TMEM132D: variants seen among roughly 807,000 people sequenced by gnomAD.
TMEM132D encodes the protein mature OL transmembrane protein.
In TMEM132D, 21 loss-of-function variants were observed where a neutral mutation model predicts 62.3. The ratio of observed to expected loss-of-function variants is 0.34; its 90% CI spans 0.24 to 0.49. The LOEUF (loss-of-function observed/expected upper bound fraction) is 0.49, where lower values mean the gene tolerates loss of function less well. Among genes scored for constraint, TMEM132D ranks in the 20% least tolerant of loss-of-function variants. TMEM132D has a pLI of 0.99. For synonymous variants in TMEM132D, 621 were observed against 575.6 expected (o/e 1.08, Z -1.13); for missense variants, 1,346 against 1,402.8 (o/e 0.96, Z 0.65).
At position 129,598,846 on chromosome 12, in the gene TMEM132D, T is replaced by C. The variant is rs183443942; in HGVS notation, c.969-67641A>G. On this transcript the variant is annotated intron_variant, in intron 2 of 8. Coordinates refer to ENST00000422113, the MANE Select transcript of TMEM132D (RefSeq NM_133448.3). ...ATTTCCACCTGTCCCTCACTGGGAG[T>C]ACATGTGGATGAGTGGGTTGATTCT... Among the ~76,000 whole-genome samples, 654 of 152,210 alleles carry C rather than the reference T, an allele frequency of 4.3e-3. 3 individuals carry two copies. Among genetic ancestry groups the C allele is most frequent in the African/African-American group, 0.015 (619 of 41,528 alleles).
chr12:129,405,232 T>C (rs1871745512), intron 3 of TMEM132D, among the ~76,000 whole-genome samples: 1 of 151,926 alleles, frequency 6.6e-6, no homozygotes, highest in Admixed American at 6.5e-5. Flanking sequence ...CTTACTGGCC[T>C]GCGGACAGGT....
intron 3 of TMEM132D, among the ~76,000 whole-genome samples, chr12:129,358,828 T>C (rs920718472): frequency 2.6e-5 from 4 of 152,014 alleles, no homozygotes; most frequent in Non-Finnish European, 5.9e-5. Flanking sequence ...GCACAAATGC[T>C]CTGCTGCTGG....
intron 2 of TMEM132D, among the ~76,000 whole-genome samples, chr12:129,642,920 CTTTT>C (rs71082742): frequency 9.5e-5 from 10 of 105,554 alleles, no homozygotes; most frequent in African/African-American, 3.4e-4. Flanking sequence ...ATTTACAAAT[CTTTT>C]TTTTTTTTTT....
intron 5 of TMEM132D, among the ~76,000 whole-genome samples, chr12:129,205,735 A>G (rs1290561052): frequency 6.6e-6 from 1 of 152,172 alleles, no homozygotes; most frequent in African/African-American, 2.4e-5. Context: ...ACCACGTGGA[A>G]CATACTCCAA....
intron 7 of TMEM132D, among the ~76,000 whole-genome samples, chr12:129,079,226 G>T (rs574526093): frequency 6.6e-6 from 1 of 152,150 alleles, no homozygotes; most frequent in Admixed American, 6.5e-5. Context: ...ACTAGAAGGC[G>T]GATCCTGCTG....
At chr12:129,786,228 G>A (rs1245923945) in intron 1 of TMEM132D, among the ~76,000 whole-genome samples, 1 of 152,112 alleles carries the variant, frequency 6.6e-6, no homozygotes, top group Non-Finnish European at 1.5e-5. Flanking sequence ...TATGGGAGCT[G>A]CAGCGCCCCT....
chr12:129,531,834 A>G (rs1876234967), intron 2 of TMEM132D, among the ~76,000 whole-genome samples: 2 of 152,148 alleles, frequency 1.3e-5, no homozygotes, highest in African/African-American at 4.8e-5. Context: ...TCCATTCCAT[A>G]TGTTCTTTCC....
rs1298312406 is a variant in TMEM132D at position 129,522,930 on chromosome 12, GATATATATGTAGACATAGATT to G, written c.1115+8108_1115+8128del. Among the ~76,000 whole-genome samples the G allele has an allele frequency of 4.3e-5, 6 of 139,964 alleles. No homozygotes were observed. In the South Asian group the frequency reaches 7.0e-4, roughly 16 times the overall value. 91.8% of individuals were successfully genotyped at this position (139,964 alleles called of 152,430 possible). On this transcript the variant is annotated intron_variant, in intron 3 of 8. Transcript: ENST00000422113. ...TAGATATATATGTAGACATAGATTA[GATATATATGTAGACATAGATT>G]ATATATATATATACATAGATTAGAT... is the stretch of plus-strand genomic sequence containing the variant.
intron 2 of TMEM132D, among the ~76,000 whole-genome samples, chr12:129,674,473 C>A (rs903625038): frequency 2.6e-5 from 4 of 152,266 alleles, no homozygotes; most frequent in Non-Finnish European, 4.4e-5. Flanking sequence ...CAAAATTATT[C>A]TCTTATTTGT....
At chr12:129,818,136 G>A (rs770911281) in intron 1 of TMEM132D, among the ~76,000 whole-genome samples, 29 of 146,244 alleles carry the variant, frequency 2.0e-4, no homozygotes, top group Non-Finnish European at 1.5e-5. Context: ...TTTGGGTTGT[G>A]CATGTGTGTG....
Position 129,694,746 on chromosome 12 carries a change from C to A in TMEM132D, c.968+5064G>T, listed in dbSNP as rs552366307. 2.6e-5 allele frequency among the ~76,000 whole-genome samples: 4 copies of A among 152,308 alleles called. No homozygotes were observed. The South Asian group carries it at 6.2e-4, about 24-fold the overall frequency. Reference sequence around the variant, plus strand: ...GTTCTGGGCCGGGCACAGTGGCTCACGCCTGTAATCCCAGCACTTTGGGAG... The same window carrying A: ...GTTCTGGGCCGGGCACAGTGGCTCAAGCCTGTAATCCCAGCACTTTGGGAG... On this transcript the variant is annotated intron_variant, in intron 2 of 8. Coordinates refer to ENST00000422113, the MANE Select transcript of TMEM132D (RefSeq NM_133448.3).
chr12:129,177,712 C>A (rs4964862), intron 5 of TMEM132D, among the ~76,000 whole-genome samples: 37,457 of 152,034 alleles, frequency 0.25, 5,816 homozygotes, highest in East Asian at 0.51. Context: ...GAGCTATGAT[C>A]GCACCACTGC....
intron 1 of TMEM132D, among the ~76,000 whole-genome samples, chr12:129,705,168 T>C (rs1881474576): frequency 6.6e-6 from 1 of 152,172 alleles, no homozygotes; most frequent in South Asian, 2.1e-4. Flanking sequence ...ATGTTCAATA[T>C]TCAGATGATG....
At chr12:129,367,782 T>C (rs1369495131) in intron 3 of TMEM132D, among the ~76,000 whole-genome samples, 10 of 150,194 alleles carry the variant, frequency 6.7e-5, no homozygotes, top group East Asian at 3.9e-4. Flanking sequence ...CTTTTCTTTT[T>C]TTTTTTTTTT....
At chr12:129,080,896 G>A (rs1874424947) in intron 7 of TMEM132D, among the ~76,000 whole-genome samples, 2 of 152,248 alleles carry the variant, frequency 1.3e-5, no homozygotes, top group South Asian at 4.2e-4. Flanking sequence ...GTTGCCACTG[G>A]TCCTCTCCGT....
chr12:129,589,669 C>T (rs531609966), intron 2 of TMEM132D, among the ~76,000 whole-genome samples: 2 of 152,262 alleles, frequency 1.3e-5, no homozygotes, highest in East Asian at 1.9e-4. Flanking sequence ...CTTTGGTTGG[C>T]TGCTTGATGA....
intron 2 of TMEM132D, among the ~76,000 whole-genome samples, chr12:129,550,008 GCT>G (rs570486812): frequency 1.6e-4 from 24 of 152,216 alleles, no homozygotes; most frequent in African/African-American, 5.8e-4. Flanking sequence ...ACCTTCTCTG[GCT>G]CTCTTTCCTG....
At chr12:129,501,658 T>C (rs1016405554) in intron 3 of TMEM132D, among the ~76,000 whole-genome samples, 2 of 151,932 alleles carry the variant, frequency 1.3e-5, no homozygotes, top group Admixed American at 6.6e-5. Context: ...ATGCACACCA[T>C]CACGCCTGGC....
chr12:129,216,535 C>T (rs1879206590), intron 4 of TMEM132D, among the ~76,000 whole-genome samples: 1 of 152,148 alleles, frequency 6.6e-6, no homozygotes, highest in Admixed American at 6.5e-5. Flanking sequence ...ATTGGCACAA[C>T]CCACAGAAGC....
Sources: allele counts gnomAD v4.1 joint callset (sites outside exome capture counted in the v4.1 genomes callset), GRCh38; gene constraint gnomAD v4.1.1; transcripts MANE v1.5; gene names NCBI Gene and HGNC (gene_info 2026-07-23, HGNC 2026-07-21).